AUTS2: variants seen among roughly 807,000 people sequenced by gnomAD.
AUTS2 encodes the protein autism susceptibility gene 2 protein.
In AUTS2, 17 loss-of-function variants were observed where a neutral mutation model predicts 112.4. The observed-to-expected ratio is 0.15, with a 90% CI of 0.10 to 0.23. AUTS2 has a LOEUF of 0.23. AUTS2 is among the 10% of genes least tolerant of loss of function. The pLI is 1.00. For synonymous variants in AUTS2, 751 were observed against 702.7 expected (o/e 1.07, Z -1.09); for missense variants, 1,510 against 1,701.6 (o/e 0.89, Z 1.98).
chr7:70,272,544 T>C (rs1787743392), intron 4 of AUTS2, among the ~76,000 whole-genome samples: 1 of 152,190 alleles, frequency 6.6e-6, no homozygotes. Context: ...CACTAACCTA[T>C]TACTGTTTAG....
At chr7:70,723,256 T>C (rs896419331) in intron 6 of AUTS2, among the ~76,000 whole-genome samples, 10 of 152,250 alleles carry the variant, frequency 6.6e-5, no homozygotes, top group Admixed American at 1.3e-4. Context: ...TTTGTTTGTT[T>C]GTTTGTTTTC....
chr7:70,773,586 T>C (rs1434297589), intron 11 of AUTS2, among the ~76,000 whole-genome samples: 1 of 152,222 alleles, frequency 6.6e-6, no homozygotes, highest in African/African-American at 2.4e-5. Flanking sequence ...GCTTAATGTC[T>C]GTAAAGTACT....
chr7:69,631,794 A>G (rs987804134), intron 1 of AUTS2, among the ~76,000 whole-genome samples: 14 of 152,258 alleles, frequency 9.2e-5, no homozygotes, highest in African/African-American at 3.4e-4. Flanking sequence ...TTGGATATTA[A>G]GAAAGAACAT....
intron 2 of AUTS2, among the ~76,000 whole-genome samples, chr7:70,039,450 C>T (rs1265858510): frequency 6.6e-6 from 1 of 152,054 alleles, no homozygotes; most frequent in Non-Finnish European, 1.5e-5. Context: ...GCAACCTCTG[C>T]CCCCTGGGTT....
At chr7:70,068,414 G>A (rs946049849) in intron 2 of AUTS2, among the ~76,000 whole-genome samples, 1 of 151,604 alleles carries the variant, frequency 6.6e-6, no homozygotes, top group African/African-American at 2.4e-5. Flanking sequence ...TTGATCTCCT[G>A]ACTTCGTGAT....
chr7:69,938,104 G>T (rs1365876912), intron 2 of AUTS2, among the ~76,000 whole-genome samples: 3 of 152,144 alleles, frequency 2.0e-5, no homozygotes, highest in African/African-American at 7.2e-5. Context: ...TCTTCTTAAA[G>T]CCCTTCCTTG....
At position 69,599,538 on chromosome 7, in the gene AUTS2, C is replaced by T. The variant is rs1256264863; in HGVS notation, c.-116C>T. The T allele has an allele frequency of 2.9e-6, 3 of 1,042,670 alleles. No individual in the cohort carries two copies. Among genetic ancestry groups the T allele is most frequent in the Non-Finnish European group, 3.7e-6 (3 of 820,988 alleles). 64.6% of individuals were successfully genotyped at this position (1,042,670 alleles called of 1,614,324 possible). On this transcript the variant is annotated 5_prime_UTR_variant, in exon 1 of 19. Transcript: ENST00000342771. The surrounding 1 kb of genome is among the most constrained non-coding windows in gnomAD (Gnocchi z 7.0). ...CGGCCGCCGTCTCCCCCGCGCCCTC[C>T]TCGGGGCGGAGGGAAGCCGTGAAGG... is the stretch of plus-strand genomic sequence containing the variant.
intron 1 of AUTS2, among the ~76,000 whole-genome samples, chr7:69,611,208 T>A (rs1793014826): frequency 6.6e-6 from 1 of 152,238 alleles, no homozygotes. Context: ...CACGTTTTTG[T>A]TTTTGTGCTC....
intron 2 of AUTS2, among the ~76,000 whole-genome samples, chr7:69,991,820 T>C (rs1232668810): frequency 6.6e-6 from 1 of 152,184 alleles, no homozygotes. Context: ...TCTCCCAAAG[T>C]TTTGTTGCAA....
At chr7:69,980,389 C>T (rs1352051389) in intron 2 of AUTS2, among the ~76,000 whole-genome samples, 1 of 152,078 alleles carries the variant, frequency 6.6e-6, no homozygotes, top group Non-Finnish European at 1.5e-5. Context: ...AGAGAAACTT[C>T]CTTGGAGTTA....
At chr7:70,006,420 A>G (rs968468300) in intron 2 of AUTS2, among the ~76,000 whole-genome samples, 2 of 152,312 alleles carry the variant, frequency 1.3e-5, no homozygotes, top group East Asian at 3.9e-4. Flanking sequence ...TTGTCTGAAC[A>G]AAGCTACGGA....
intron 2 of AUTS2, among the ~76,000 whole-genome samples, chr7:70,116,291 T>A (rs1805352518): frequency 6.6e-6 from 1 of 152,160 alleles, no homozygotes; most frequent in South Asian, 2.1e-4. Flanking sequence ...AAAGGTGAAT[T>A]TCTGGAAAGG....
intron 6 of AUTS2, among the ~76,000 whole-genome samples, chr7:70,730,222 TTTTTTTG>T (rs1384162581): frequency 1.4e-5 from 2 of 143,700 alleles, no homozygotes; most frequent in Non-Finnish European, 3.0e-5. Flanking sequence ...AACCAGTTTT[TTTTTTTG>T]TTTTTTGTTT....
At chr7:69,831,578 A>G (rs1791502282) in intron 1 of AUTS2, among the ~76,000 whole-genome samples, 1 of 151,816 alleles carries the variant, frequency 6.6e-6, no homozygotes, top group African/African-American at 2.4e-5. Context: ...AGCCTTGGTA[A>G]GAAGCATGAA....
chr7:69,777,948 A>G (rs908843410), intron 1 of AUTS2, among the ~76,000 whole-genome samples: 2 of 152,140 alleles, frequency 1.3e-5, no homozygotes, highest in African/African-American at 2.4e-5. Flanking sequence ...TCCTATACTG[A>G]GATGTGCTGG....
chr7:70,245,131 AAAGT>A (rs1259517714), intron 4 of AUTS2, among the ~76,000 whole-genome samples: 2 of 71,058 alleles, frequency 2.8e-5, no homozygotes, highest in East Asian at 4.1e-4. Flanking sequence ...AAAAAAAAAA[AAAGT>A]GTGTGTGTGT....
chr7:70,165,176 A>G (rs1214125897), intron 4 of AUTS2, among the ~76,000 whole-genome samples: 1 of 152,204 alleles, frequency 6.6e-6, no homozygotes, highest in Non-Finnish European at 1.5e-5. Context: ...AATAGAGCAA[A>G]AAGAGTGGAA....
At chr7:70,084,694 T>G (rs1803501158) in intron 2 of AUTS2, among the ~76,000 whole-genome samples, 1 of 152,206 alleles carries the variant, frequency 6.6e-6, no homozygotes, top group African/African-American at 2.4e-5. Context: ...TGAATTCTGT[T>G]TATATCTTTT....
At chr7:69,962,915 G>A (rs188487759) in intron 2 of AUTS2, among the ~76,000 whole-genome samples, 1 of 152,224 alleles carries the variant, frequency 6.6e-6, no homozygotes, top group African/African-American at 2.4e-5. Flanking sequence ...TCTGTTTGCT[G>A]AGAAAAGGGA....
Sources: gnomAD v4.1 joint callset for allele counts (sites outside exome capture counted in the v4.1 genomes callset) on GRCh38, gnomAD v4.1.1 for gene constraint, Gnocchi (gnomAD v3.1) non-coding constraint, MANE v1.5 for transcripts, NCBI Gene and HGNC (gene_info 2026-07-23, HGNC 2026-07-21) for gene names.